The following SLIT3 variants were observed in gnomAD, a reference collection of about 807,000 sequenced individuals.
SLIT3 encodes the protein slit homolog 3 protein.
A neutral mutation model predicts 184.0 loss-of-function variants in SLIT3; 68 were observed. The observed-to-expected ratio is 0.37, with a 90% CI of 0.30 to 0.45. The LOEUF is 0.45. Ranked by LOEUF, SLIT3 falls within the 20% of genes least tolerant of loss-of-function variation. The probability of loss-of-function intolerance (pLI) is 1.00; values close to 1 mark genes in which losing one functional copy is unlikely to be tolerated. For missense variants in SLIT3, 1,707 were observed against 2,026.0 expected, an observed-to-expected ratio of 0.84 and a Z score of 3.02; for synonymous variants, 831 against 828.6, an observed-to-expected ratio of 1.00 and a Z score of -0.05.
chr5:169,245,955 G>A (rs535956541), intron 2 of SLIT3, among the ~76,000 whole-genome samples: 54 of 152,230 alleles, frequency 3.5e-4, no homozygotes, highest in African/African-American at 1.3e-3. Context: ...AGCACAGCAG[G>A]CACTTCATAA....
intron 4 of SLIT3, among the ~76,000 whole-genome samples, chr5:169,186,934 G>T (rs1763363830): frequency 1.3e-5 from 2 of 151,972 alleles, no homozygotes; most frequent in South Asian, 4.2e-4. Flanking sequence ...ATAGTTGTCG[G>T]GTGCCTGGGG....
At chr5:168,947,371 G>T (rs947708751) in intron 4 of SLIT3, among the ~76,000 whole-genome samples, 14 of 152,180 alleles carry the variant, frequency 9.2e-5, no homozygotes, top group African/African-American at 3.4e-4. Context: ...CTCGGGAGCT[G>T]CAGGGAGAGC....
intron 5 of SLIT3, among the ~76,000 whole-genome samples, chr5:168,857,521 C>G (rs1027697633): frequency 6.6e-6 from 1 of 152,114 alleles, no homozygotes; most frequent in African/African-American, 2.4e-5. Context: ...ATTTCCCTAT[C>G]GGTAAAACAG....
intron 3 of SLIT3, among the ~76,000 whole-genome samples, chr5:169,204,916 A>T (rs1764020097): frequency 6.6e-6 from 1 of 152,244 alleles, no homozygotes; most frequent in South Asian, 2.1e-4. Context: ...ATTCGTCCAC[A>T]GAAGTGTGTG....
intron 25 of SLIT3, 81 bp downstream of exon 25, chr5:168,710,814 G>A: frequency 8.0e-7 from 1 of 1,246,376 alleles, no homozygotes; most frequent in South Asian, 2.2e-5. Flanking sequence ...CATCTGTTGA[G>A]ATACCCTGCT....
chr5:168,919,551 CTT>C (rs1310980669), intron 4 of SLIT3, among the ~76,000 whole-genome samples: 3 of 151,876 alleles, frequency 2.0e-5, no homozygotes, highest in African/African-American at 7.3e-5. Context: ...TGGAAAGAGA[CTT>C]AAGCTTTTAA....
intron 11 of SLIT3, among the ~76,000 whole-genome samples, chr5:168,787,767 T>A (rs1398617665): frequency 6.6e-6 from 1 of 152,060 alleles, no homozygotes; most frequent in African/African-American, 2.4e-5. Context: ...CGATAAATAT[T>A]TGTTGAATGA....
In SLIT3 at chr5:169,031,417, A is replaced by G. The variant is rs190974633; in HGVS notation, c.414-148081T>C. Among the ~76,000 whole-genome samples the G allele has an allele frequency of 4.9e-3, 723 of 146,350 alleles. 8 individuals carry two copies. Among genetic ancestry groups the G allele is most frequent in the Non-Finnish European group, 3.5e-3 (233 of 67,402 alleles). On this transcript the variant is annotated intron_variant, in intron 4 of 35. Transcript: ENST00000519560. Reference sequence around the variant, plus strand: ...AGATCTGAAACAGATAATCTTACCAATAAATAATTCCAAATCGTAATAAAA... The same window carrying G: ...AGATCTGAAACAGATAATCTTACCAGTAAATAATTCCAAATCGTAATAAAA...
chr5:169,215,856 T>G (rs1020241952), intron 3 of SLIT3, among the ~76,000 whole-genome samples: 2 of 152,252 alleles, frequency 1.3e-5, no homozygotes, highest in Non-Finnish European at 2.9e-5. Context: ...TCTTTTCTTG[T>G]TCCCTCATGT....
chr5:168,695,193 A>G (rs1035665121), intron 28 of SLIT3, among the ~76,000 whole-genome samples: 5 of 152,194 alleles, frequency 3.3e-5, no homozygotes, highest in Non-Finnish European at 7.3e-5. Flanking sequence ...CACTCCTGAC[A>G]TAAAGGCCTG....
chr5:169,077,685 T>G (rs1459671138), intron 4 of SLIT3, among the ~76,000 whole-genome samples: 1 of 152,208 alleles, frequency 6.6e-6, no homozygotes, highest in Non-Finnish European at 1.5e-5. Flanking sequence ...CAGAGATTTT[T>G]GACTGTGTGG....
intron 4 of SLIT3, among the ~76,000 whole-genome samples, chr5:169,063,808 G>A (rs1440359138): frequency 6.6e-6 from 1 of 152,204 alleles, no homozygotes; most frequent in Non-Finnish European, 1.5e-5. Context: ...ATTATGGTAC[G>A]AGAAGCACTG....
At chr5:169,283,767 G>A (rs1767067795) in intron 1 of SLIT3, among the ~76,000 whole-genome samples, 1 of 152,210 alleles carries the variant, frequency 6.6e-6, no homozygotes, top group Admixed American at 6.5e-5. Flanking sequence ...GAAGAAATAT[G>A]CCACCGGAGA....
In SLIT3 at chr5:169,170,585, G is replaced by A. The variant is rs528685193; in HGVS notation, c.413+22894C>T. Among the ~76,000 whole-genome samples, 5 of 152,304 alleles carry A rather than the reference G, an allele frequency of 3.3e-5. No individual in the cohort carries two copies. The East Asian group carries it at 5.8e-4, about 18-fold the overall frequency. Reference sequence around the variant, plus strand: ...AATGGAAGCAAGCTGGAGACAACACGCCCCTCTAAACGGGCTCTGCAGGCT... The same window carrying A: ...AATGGAAGCAAGCTGGAGACAACACACCCCTCTAAACGGGCTCTGCAGGCT... On this transcript the variant is annotated intron_variant, in intron 4 of 35. Coordinates refer to ENST00000519560, the MANE Select transcript of SLIT3 (RefSeq NM_003062.4).
intron 9 of SLIT3, among the ~76,000 whole-genome samples, chr5:168,805,544 T>C (rs1304699244): frequency 6.6e-6 from 1 of 152,232 alleles, no homozygotes; most frequent in African/African-American, 2.4e-5. Context: ...GAGGTCAGTG[T>C]TGACTGGCCC....
chr5:169,020,679 G>T (rs1365250630), intron 4 of SLIT3, among the ~76,000 whole-genome samples: 1 of 152,194 alleles, frequency 6.6e-6, no homozygotes, highest in Non-Finnish European at 1.5e-5. Context: ...GTTAAGGAAT[G>T]AAATCTTCTC....
chr5:168,898,746 A>C (rs1035293075), intron 4 of SLIT3, among the ~76,000 whole-genome samples: 7 of 152,162 alleles, frequency 4.6e-5, no homozygotes, highest in African/African-American at 1.7e-4. Flanking sequence ...TGGCTTTGTA[A>C]GAGTCTTTTT....
chr5:169,079,943 GAA>G (rs1758953101), intron 4 of SLIT3, among the ~76,000 whole-genome samples: 2 of 149,290 alleles, frequency 1.3e-5, no homozygotes, highest in Non-Finnish European at 3.0e-5. Context: ...GGAAGAGAGA[GAA>G]GAGGGAGAAG....
intron 4 of SLIT3, among the ~76,000 whole-genome samples, chr5:168,906,846 G>GTTTA (rs1262479892): frequency 2.0e-5 from 3 of 152,120 alleles, no homozygotes; most frequent in East Asian, 1.9e-4. Context: ...TTGATTTTTT[G>GTTTA]TTTATTTATT....
Sources: allele counts gnomAD v4.1 joint callset (sites outside exome capture counted in the v4.1 genomes callset), GRCh38; gene constraint gnomAD v4.1.1; transcripts MANE v1.5; gene names NCBI Gene and HGNC (gene_info 2026-07-23, HGNC 2026-07-21).